The following CNTN4 variants were observed in gnomAD, a reference collection of about 807,000 sequenced individuals.
CNTN4 encodes contactin-4.
A neutral mutation model predicts 122.5 loss-of-function variants in CNTN4; 77 were observed. That is an observed-to-expected ratio of 0.63 (90% confidence interval 0.52 to 0.76). The LOEUF (loss-of-function observed/expected upper bound fraction) is 0.76. CNTN4 is among the 30% of genes least tolerant of loss of function. The pLI, the probability that CNTN4 is intolerant of heterozygous loss-of-function variation, is 0.00. For synonymous variants in CNTN4, 512 were observed against 447.0 expected (o/e 1.15, Z -1.83); for missense variants, 1,256 against 1,259.1 (o/e 1.00, Z 0.04).
intron 4 of CNTN4, among the ~76,000 whole-genome samples, chr3:2,616,227 T>C (rs2081730732): frequency 6.6e-6 from 1 of 151,986 alleles, no homozygotes; most frequent in African/African-American, 2.4e-5. Flanking sequence ...CTCCCACTTA[T>C]GAGTGAGAAC....
At chr3:2,574,611 A>G (rs944126879) in intron 4 of CNTN4, among the ~76,000 whole-genome samples, 1 of 152,164 alleles carries the variant, frequency 6.6e-6, no homozygotes, top group Non-Finnish European at 1.5e-5. Context: ...TTCAGCCACA[A>G]TGAAAATTGG....
chr3:2,858,782 A>G (rs2093643373), intron 7 of CNTN4, among the ~76,000 whole-genome samples: 1 of 152,164 alleles, frequency 6.6e-6, no homozygotes, highest in African/African-American at 2.4e-5. Flanking sequence ...TTTATTATTT[A>G]TTTTTAATTG....
chr3:2,205,885 C>T (rs1269973859), intron 2 of CNTN4, among the ~76,000 whole-genome samples: 1 of 152,002 alleles, frequency 6.6e-6, no homozygotes, highest in Non-Finnish European at 1.5e-5. Context: ...ACCAAAGAAT[C>T]ACTGAATCAG....
chr3:2,344,005 C>G (rs1450847549), intron 3 of CNTN4, among the ~76,000 whole-genome samples: 1 of 152,086 alleles, frequency 6.6e-6, no homozygotes, highest in Non-Finnish European at 1.5e-5. Flanking sequence ...AAACAAACAG[C>G]TCTTGCATGA....
intron 2 of CNTN4, among the ~76,000 whole-genome samples, chr3:2,231,996 C>T (rs2039505400): frequency 6.6e-6 from 1 of 152,078 alleles, no homozygotes; most frequent in Non-Finnish European, 1.5e-5. Flanking sequence ...AATGACAAAG[C>T]TTACCAGAGA....
Position 3,042,307 on chromosome 3 carries a change from C to T in CNTN4, c.2399-3C>T. 1 of 1,609,840 alleles carries T rather than the reference C, an allele frequency of 6.2e-7. No individual in the cohort carries two copies. Among genetic ancestry groups the T allele is most frequent in the Non-Finnish European group, 8.5e-7 (1 of 1,176,066 alleles). On this transcript the variant is annotated splice_polypyrimidine_tract_variant and splice_region_variant and intron_variant, in intron 20 of 24. Transcript: ENST00000418658. ...TAATAACTATCTCCATATTCATCTACAGAACCCACCAAACCACCAGCCAGT... is the reference window on the plus strand; with the variant it reads ...TAATAACTATCTCCATATTCATCTATAGAACCCACCAAACCACCAGCCAGT...
At chr3:2,554,300 C>A (rs1391183962) in intron 3 of CNTN4, among the ~76,000 whole-genome samples, 1 of 151,990 alleles carries the variant, frequency 6.6e-6, no homozygotes, top group Non-Finnish European at 1.5e-5. Flanking sequence ...TTTTAACTGG[C>A]TAGTTTTATA....
intron 6 of CNTN4, among the ~76,000 whole-genome samples, chr3:2,760,945 C>A (rs889904875): frequency 6.6e-6 from 1 of 152,168 alleles, no homozygotes; most frequent in Non-Finnish European, 1.5e-5. Flanking sequence ...AGGCCAGGCA[C>A]AATCTAAATC....
intron 2 of CNTN4, among the ~76,000 whole-genome samples, chr3:2,163,242 T>G (rs2036041565): frequency 6.6e-6 from 1 of 152,096 alleles, no homozygotes; most frequent in Non-Finnish European, 1.5e-5. Context: ...TACAAAAGCA[T>G]AAAGTGAGGA....
chr3:2,729,304 C>T (rs944582537), intron 4 of CNTN4, among the ~76,000 whole-genome samples: 2 of 152,064 alleles, frequency 1.3e-5, no homozygotes, highest in African/African-American at 2.4e-5. Context: ...GTGGCTCACG[C>T]CTGTAATCCT....
intron 2 of CNTN4, among the ~76,000 whole-genome samples, chr3:2,117,829 A>G (rs2033464623): frequency 6.6e-6 from 1 of 152,070 alleles, no homozygotes; most frequent in Admixed American, 6.5e-5. Flanking sequence ...TTTGGAAGAC[A>G]TTCTGGATGA....
rs370494206 is a variant in CNTN4, at chr3:2,545,795, A to G, written c.-88-25621A>G. Among the ~76,000 whole-genome samples the G allele has an allele frequency of 9.1e-4, 139 of 152,062 alleles. 1 individual carries two copies. The highest frequency in any genetic ancestry group is 7.1e-3 in the South Asian group (34 of 4,812). On this transcript the variant is annotated intron_variant, in intron 3 of 24. Transcript: ENST00000418658. ...GAGGTAGGCCTCTCTTGAAGACAGC[A>G]TATCATTGGGTCTTGCTTTGTTATC...
intron 2 of CNTN4, among the ~76,000 whole-genome samples, chr3:2,197,979 C>T (rs1489212628): frequency 6.6e-6 from 1 of 150,512 alleles, no homozygotes; most frequent in African/African-American, 2.5e-5. Flanking sequence ...CACACCACTG[C>T]ACTCCCACCT....
intron 6 of CNTN4, among the ~76,000 whole-genome samples, chr3:2,747,276 G>C (rs963929563): frequency 2.7e-5 from 4 of 149,622 alleles, no homozygotes; most frequent in African/African-American, 1.0e-4. Context: ...GGGCGCAGTG[G>C]CAGGTGCCTG....
At chr3:2,923,105 A>G (rs552393830) in intron 12 of CNTN4, among the ~76,000 whole-genome samples, 161 of 152,308 alleles carry the variant, frequency 1.1e-3, no homozygotes, top group Non-Finnish European at 1.9e-3. Flanking sequence ...TTTTTGACAA[A>G]TATGCCCATG....
intron 2 of CNTN4, among the ~76,000 whole-genome samples, chr3:2,301,943 A>G (rs1032369492): frequency 2.0e-5 from 3 of 152,248 alleles, no homozygotes; most frequent in Non-Finnish European, 4.4e-5. Context: ...AAAGTCTGAA[A>G]TTGATGAGAG....
chr3:2,485,569 C>G (rs1306632572), intron 3 of CNTN4, among the ~76,000 whole-genome samples: 1 of 151,948 alleles, frequency 6.6e-6, no homozygotes, highest in African/African-American at 2.4e-5. Context: ...CACTCTGTGT[C>G]TAGTTCAAGG....
Position 2,191,949 on chromosome 3 carries a change from A to G in CNTN4, c.-145+91310A>G, listed in dbSNP as rs1348298590. On this transcript the variant is annotated intron_variant, in intron 2 of 24. Coordinates refer to ENST00000418658, the MANE Select transcript of CNTN4 (RefSeq NM_175607.3). ...CTGTGTCCAAGTGTTCTCATTGTTC[A>G]GTTCCCACCTATGAGTGAGAACATG... Among the ~76,000 whole-genome samples, 4 of 150,702 alleles carry G rather than the reference A, an allele frequency of 2.7e-5. 1 individual carries two copies. The highest frequency in any genetic ancestry group is 1.3e-4 in the Admixed American group (2 of 15,114).
chr3:2,805,895 G>GTTTTGT (rs915039817), intron 6 of CNTN4, among the ~76,000 whole-genome samples: 4 of 151,932 alleles, frequency 2.6e-5, no homozygotes, highest in Non-Finnish European at 4.4e-5. Context: ...TTTTTGTTTT[G>GTTTTGT]TTTTGTTTTT....
Sources: gnomAD v4.1 joint callset for allele counts (sites outside exome capture counted in the v4.1 genomes callset) on GRCh38, gnomAD v4.1.1 for gene constraint, MANE v1.5 for transcripts, NCBI Gene and HGNC (gene_info 2026-07-23, HGNC 2026-07-21) for gene names.